SLC2A13: variants seen among roughly 807,000 people sequenced by gnomAD.
SLC2A13 encodes the protein solute carrier family 2 member 13, also known as proton myo-inositol cotransporter.
SLC2A13 carries 32 observed loss-of-function variants against 64.4 expected under a neutral mutation model. The ratio of observed to expected loss-of-function variants is 0.50; its 90% CI spans 0.37 to 0.67. The LOEUF is 0.67. Among genes scored for constraint, SLC2A13 ranks in the 30% least tolerant of loss-of-function variants. The pLI, the probability that SLC2A13 is intolerant of heterozygous loss-of-function variation, is 0.00. For synonymous variants in SLC2A13, 338 were observed against 327.1 expected (o/e 1.03, Z -0.36); for missense variants, 743 against 829.2 (o/e 0.90, Z 1.28).
chr12:40,017,900 T>C (rs1592010171), intron 3 of SLC2A13, among the ~76,000 whole-genome samples: 1 of 150,436 alleles, frequency 6.6e-6, no homozygotes, highest in Non-Finnish European at 1.5e-5. Context: ...GACACAAACA[T>C]TGACAACTTT....
chr12:40,105,751 T>C lies in SLC2A13; in HGVS notation c.58A>G (p.Met20Val). The change falls in exon 1 of 10, where the codon ATG becomes GTG. Residue 20 changes from methionine to valine, a missense_variant. Around this residue, in one of 2 missense-constraint regions of SLC2A13, gnomAD observed 448 missense variants for 447.4 expected, o/e 1.00. Transcript: ENST00000280871. The surrounding 1 kb of genome is among the most constrained non-coding windows in gnomAD (Gnocchi z 4.2). ...EYTLRSLSSL[M>V]GERRRKQPEP... is the part of the protein sequence containing the mutation. ...GGCTGCTTCCTGCGCCGCTCGCCCA[T>C]CAGGCTGCTCAGGCTCCGCAGCGTG... The C allele has an allele frequency of 6.7e-7, 1 of 1,489,658 alleles. No individual in the cohort carries two copies. Among genetic ancestry groups the C allele is most frequent in the East Asian group, 3.0e-5 (1 of 33,214 alleles). The allele number at this position is 1,489,658 out of a possible 1,614,324, so 92.3% of individuals were successfully genotyped here.
chr12:40,099,183 G>A (rs1939063577), intron 1 of SLC2A13, among the ~76,000 whole-genome samples: 1 of 152,122 alleles, frequency 6.6e-6, no homozygotes, highest in Non-Finnish European at 1.5e-5. Flanking sequence ...TTTACATGTG[G>A]GAAAAGTTTG....
intron 4 of SLC2A13, among the ~76,000 whole-genome samples, chr12:39,900,372 A>C (rs1423138036): frequency 1.3e-5 from 2 of 152,212 alleles, no homozygotes; most frequent in Admixed American, 1.3e-4. Flanking sequence ...AAAGGGGATT[A>C]TATTAGGAAA....
chr12:40,071,108 A>G (rs1937938915), intron 1 of SLC2A13, among the ~76,000 whole-genome samples: 1 of 152,192 alleles, frequency 6.6e-6, no homozygotes, highest in Admixed American at 6.6e-5. Flanking sequence ...CTTAGTGAAT[A>G]CAGGCCAGAA....
chr12:39,933,737 G>A (rs1592295617), intron 4 of SLC2A13, among the ~76,000 whole-genome samples: 1 of 152,164 alleles, frequency 6.6e-6, no homozygotes, highest in African/African-American at 2.4e-5. Context: ...GATAAAAGGA[G>A]AATCAAAGAT....
intron 3 of SLC2A13, among the ~76,000 whole-genome samples, chr12:39,977,660 A>C (rs201165373): frequency 6.6e-6 from 1 of 152,250 alleles, no homozygotes; most frequent in East Asian, 1.9e-4. Flanking sequence ...AAATATCTTC[A>C]GAGCCAGTGA....
At chr12:40,074,500 T>A (rs142007058) in intron 1 of SLC2A13, among the ~76,000 whole-genome samples, 21 of 152,280 alleles carry the variant, frequency 1.4e-4, no homozygotes, top group Non-Finnish European at 2.8e-4. Flanking sequence ...GTGTTTTTGA[T>A]CTCTAGCATT....
chr12:40,095,610 A>G (rs1191878680), intron 1 of SLC2A13, among the ~76,000 whole-genome samples: 1 of 152,254 alleles, frequency 6.6e-6, no homozygotes, highest in Non-Finnish European at 1.5e-5. Context: ...TTAAAATTAC[A>G]TATTGCATAT....
chr12:39,956,641 C>G (rs999640609), intron 3 of SLC2A13, among the ~76,000 whole-genome samples: 1 of 152,150 alleles, frequency 6.6e-6, no homozygotes. Flanking sequence ...AATGTTTGAT[C>G]AAACTGAAGT....
At chr12:39,823,102 C>T (rs531773165) in intron 7 of SLC2A13, among the ~76,000 whole-genome samples, 1 of 152,262 alleles carries the variant, frequency 6.6e-6, no homozygotes, top group South Asian at 2.1e-4. Flanking sequence ...AACTTCCAAA[C>T]ACATAACATG....
chr12:39,767,821 G>A (rs532930248), intron 7 of SLC2A13, among the ~76,000 whole-genome samples: 3 of 152,128 alleles, frequency 2.0e-5, no homozygotes, highest in African/African-American at 7.2e-5. Flanking sequence ...GTTTTATAAT[G>A]GGCTTTTCCC....
chr12:39,993,504 CAG>C (rs1217331484), intron 3 of SLC2A13, among the ~76,000 whole-genome samples: 1 of 152,218 alleles, frequency 6.6e-6, no homozygotes, highest in Non-Finnish European at 1.5e-5. Context: ...ACGTGAAAGA[CAG>C]GGATTCAGTA....
chr12:39,920,967 A>G, intron 4 of SLC2A13, among the ~76,000 whole-genome samples: 1 of 152,086 alleles, frequency 6.6e-6, no homozygotes, highest in East Asian at 1.9e-4. Flanking sequence ...CACTATGCAC[A>G]TCAGCGCTGT....
In SLC2A13 at chr12:39,830,014, T is replaced by G. The variant is rs756730145; in HGVS notation, c.1445+89A>C. 6 of 1,523,410 alleles carry G rather than the reference T, an allele frequency of 3.9e-6. No individual in the cohort carries two copies. In the South Asian group the frequency reaches 5.7e-5, roughly 15 times the overall value. 94.4% of individuals were successfully genotyped at this position (1,523,410 alleles called of 1,614,324 possible). A position where few individuals can be genotyped will look rare whatever the true frequency, so the allele number is the denominator to read the frequency against. On this transcript the variant is annotated intron_variant, in intron 7 of 9. Coordinates refer to ENST00000280871, the MANE Select transcript of SLC2A13 (RefSeq NM_052885.4). ...GTTATGAAGGCCAGTTTAAAAGAACTGCTATAAGTGCAAGCACTCTGAAAA... is the reference window on the plus strand; with the variant it reads ...GTTATGAAGGCCAGTTTAAAAGAACGGCTATAAGTGCAAGCACTCTGAAAA...
chr12:40,048,213 A>G lies in SLC2A13; in HGVS notation c.557-3T>C. 1.3e-6 allele frequency: 2 copies of G among 1,586,444 alleles called. No homozygotes were observed. The highest frequency in any genetic ancestry group is 1.7e-6 in the Non-Finnish European group (2 of 1,172,372). On this transcript the variant is annotated splice_region_variant and splice_polypyrimidine_tract_variant and intron_variant, in intron 1 of 9. Coordinates refer to ENST00000280871, the MANE Select transcript of SLC2A13 (RefSeq NM_052885.4). ...TGGCACTGTCATAGAAGCAATGCCT[A>G]TAAAAACAATGAAAAGTAAATGTGA...
intron 2 of SLC2A13, among the ~76,000 whole-genome samples, chr12:40,038,507 A>G (rs188504076): frequency 5.0e-4 from 76 of 152,272 alleles, no homozygotes; most frequent in African/African-American, 1.6e-3. Context: ...AAGTGGGTGG[A>G]TCACTTGAGC....
Position 39,954,477 on chromosome 12 carries a change from G to T in SLC2A13, c.926-3112C>A, listed in dbSNP as rs192730091. On this transcript the variant is annotated intron_variant, in intron 3 of 9. Coordinates refer to ENST00000280871, the MANE Select transcript of SLC2A13 (RefSeq NM_052885.4). ...GAAAGAGCTACTGGAAAGGGTTAGAGAAATCAATTCCAGGAGCTCAAACAG... is the reference window on the plus strand; with the variant it reads ...GAAAGAGCTACTGGAAAGGGTTAGATAAATCAATTCCAGGAGCTCAAACAG... 3.0e-4 allele frequency among the ~76,000 whole-genome samples: 46 copies of T among 152,284 alleles called. 1 individual carries two copies. In the East Asian group the frequency reaches 6.2e-3, roughly 20 times the overall value.
intron 2 of SLC2A13, among the ~76,000 whole-genome samples, chr12:40,038,709 T>A (rs145816400): frequency 0.025 from 3,339 of 133,622 alleles, 139 homozygotes; most frequent in African/African-American, 0.088. Context: ...CCAGCCTGGG[T>A]GACAGAGCAA....
intron 7 of SLC2A13, among the ~76,000 whole-genome samples, chr12:39,779,698 T>C (rs1940910378): frequency 6.6e-6 from 1 of 152,252 alleles, no homozygotes; most frequent in African/African-American, 2.4e-5. Flanking sequence ...CTAAGAAATC[T>C]ATGTCTATTT....
Sources: gnomAD v4.1 joint callset for allele counts (sites outside exome capture counted in the v4.1 genomes callset) on GRCh38, gnomAD v4.1.1 for gene constraint, gnomAD v4.1.1 regional missense constraint, Gnocchi (gnomAD v3.1) non-coding constraint, MANE v1.5 for transcripts, NCBI Gene and HGNC (gene_info 2026-07-23, HGNC 2026-07-21) for gene names.